The following SCFD2 variants were observed in gnomAD, a reference collection of about 807,000 sequenced individuals.
The protein encoded by SCFD2 is sec1 family domain containing 2, also known as sec1 family domain-containing protein 2.
Under a neutral mutation model 58.9 loss-of-function variants are expected in SCFD2, and 54 were observed. The observed-to-expected ratio is 0.92, with a 90% CI of 0.74 to 1.15. The LOEUF (loss-of-function observed/expected upper bound fraction) is 1.15. Among genes scored for constraint, SCFD2 ranks in the 50% most tolerant of loss-of-function variants. The pLI is 0.00. For missense variants in SCFD2, 805 were observed against 836.6 expected, an observed-to-expected ratio of 0.96 and a Z score of 0.47; for synonymous variants, 321 against 335.9, an observed-to-expected ratio of 0.96 and a Z score of 0.49.
At chr4:53,227,144 C>A (rs1277678770) in intron 4 of SCFD2, among the ~76,000 whole-genome samples, 1 of 152,108 alleles carries the variant, frequency 6.6e-6, no homozygotes, top group East Asian at 1.9e-4. Context: ...CTGAGCATCA[C>A]CTGACCTTCT....
intron 4 of SCFD2, among the ~76,000 whole-genome samples, chr4:53,208,781 T>A (rs1436856400): frequency 6.6e-6 from 1 of 152,198 alleles, no homozygotes; most frequent in Non-Finnish European, 1.5e-5. Context: ...CGTCTCACAT[T>A]AAATGATAAA....
intron 4 of SCFD2, among the ~76,000 whole-genome samples, chr4:53,238,396 C>A (rs1469667298): frequency 1.5e-5 from 2 of 132,592 alleles, no homozygotes; most frequent in Middle Eastern, 5.4e-3. Flanking sequence ...GCTGGCCTGG[C>A]GGGGGGCTGA....
At chr4:52,979,289 T>C (rs1359096351) in intron 5 of SCFD2, among the ~76,000 whole-genome samples, 1 of 152,008 alleles carries the variant, frequency 6.6e-6, no homozygotes, top group African/African-American at 2.4e-5. Flanking sequence ...CTCTTTTCTC[T>C]CTCTTCTATT....
intron 7 of SCFD2, among the ~76,000 whole-genome samples, chr4:52,888,849 C>G (rs1179577792): frequency 6.6e-6 from 1 of 152,188 alleles, no homozygotes; most frequent in Non-Finnish European, 1.5e-5. Flanking sequence ...CCTCTCAAAC[C>G]TATGTCTTTT....
chr4:53,247,392 T>C (rs1396245008), intron 4 of SCFD2, among the ~76,000 whole-genome samples: 1 of 152,182 alleles, frequency 6.6e-6, no homozygotes, highest in Non-Finnish European at 1.5e-5. Flanking sequence ...TTACTAGGTA[T>C]GTACCCAAAA....
At chr4:53,271,490 T>C (rs1297612025) in intron 4 of SCFD2, among the ~76,000 whole-genome samples, 1 of 139,528 alleles carries the variant, frequency 7.2e-6, no homozygotes, top group Non-Finnish European at 1.6e-5. Flanking sequence ...TGAGATGGAG[T>C]CTCCCTCTGT....
intron 3 of SCFD2, among the ~76,000 whole-genome samples, chr4:53,309,135 A>AG (rs1465540565): frequency 6.6e-6 from 1 of 151,766 alleles, no homozygotes; most frequent in East Asian, 1.9e-4. Flanking sequence ...TTCGTCTCAA[A>AG]AAAAAAAAAA....
At chr4:53,251,153 G>A (rs1228014645) in intron 4 of SCFD2, among the ~76,000 whole-genome samples, 12 of 152,164 alleles carry the variant, frequency 7.9e-5, no homozygotes, top group South Asian at 2.1e-4. Context: ...TAAATTCCTC[G>A]ACACATACAC....
intron 4 of SCFD2, among the ~76,000 whole-genome samples, chr4:53,251,728 G>A (rs951722765): frequency 2.5e-4 from 38 of 151,802 alleles, no homozygotes; most frequent in Non-Finnish European, 4.0e-4. Flanking sequence ...TTGATGGGAC[G>A]TATCTCAAAA....
chr4:53,094,833 T>C (rs1724572110), intron 5 of SCFD2, among the ~76,000 whole-genome samples: 1 of 152,110 alleles, frequency 6.6e-6, no homozygotes, highest in African/African-American at 2.4e-5. Flanking sequence ...AAATTCCTCT[T>C]TTATTCTCTT....
intron 2 of SCFD2, among the ~76,000 whole-genome samples, chr4:53,323,584 T>C (rs1733090911): frequency 1.3e-5 from 2 of 149,242 alleles, no homozygotes; most frequent in African/African-American, 5.0e-5. Context: ...ATTTTCACTA[T>C]GTTGCCCAGG....
intron 4 of SCFD2, among the ~76,000 whole-genome samples, chr4:53,181,129 A>G (rs1421068979): frequency 6.6e-6 from 1 of 152,192 alleles, no homozygotes; most frequent in Non-Finnish European, 1.5e-5. Context: ...CAATAGAAAA[A>G]GAGGGAATCC....
intron 8 of SCFD2, among the ~76,000 whole-genome samples, chr4:52,876,042 T>G (rs1718466191): frequency 1.3e-5 from 2 of 151,770 alleles, no homozygotes. Context: ...TCTCTACGTC[T>G]TTCAGGTCTT....
intron 7 of SCFD2, among the ~76,000 whole-genome samples, chr4:52,890,563 G>C (rs1477561813): frequency 6.6e-6 from 1 of 152,186 alleles, no homozygotes; most frequent in African/African-American, 2.4e-5. Context: ...TTGCATGTTT[G>C]CATGTTAGTT....
At chr4:53,120,580 A>G (rs1030703134) in intron 5 of SCFD2, among the ~76,000 whole-genome samples, 5 of 152,196 alleles carry the variant, frequency 3.3e-5, no homozygotes, top group African/African-American at 1.2e-4. Flanking sequence ...CATGGTTAAC[A>G]TCAAATGTCT....
chr4:53,128,419 T>C (rs746630720), intron 5 of SCFD2, among the ~76,000 whole-genome samples: 8 of 152,184 alleles, frequency 5.3e-5, no homozygotes, highest in Non-Finnish European at 1.0e-4. Context: ...ATTAAAGGCA[T>C]GTACTCATCT....
intron 5 of SCFD2, among the ~76,000 whole-genome samples, chr4:52,939,770 A>T (rs1577843345): frequency 6.6e-6 from 1 of 152,352 alleles, no homozygotes; most frequent in East Asian, 1.9e-4. Context: ...AAGCTAGGAA[A>T]TAAATGAGGA....
intron 4 of SCFD2, among the ~76,000 whole-genome samples, chr4:53,219,550 T>C (rs1444121600): frequency 6.6e-6 from 1 of 152,090 alleles, no homozygotes; most frequent in Non-Finnish European, 1.5e-5. Context: ...TTTCCATGTC[T>C]AGGAAAGGGA....
At chr4:53,212,910 AT>A (rs1025957947) in intron 4 of SCFD2, among the ~76,000 whole-genome samples, 1 of 151,730 alleles carries the variant, frequency 6.6e-6, no homozygotes, top group Non-Finnish European at 1.5e-5. Context: ...AATACAGTTG[AT>A]TTTTAAAAAT....
Sources: allele counts gnomAD v4.1 joint callset (sites outside exome capture counted in the v4.1 genomes callset), GRCh38; gene constraint gnomAD v4.1.1; transcripts MANE v1.5; gene names NCBI Gene and HGNC (gene_info 2026-07-23, HGNC 2026-07-21).